The following PTPRS variants were observed in gnomAD, a reference collection of about 807,000 sequenced individuals.
PTPRS encodes the protein receptor-type tyrosine-protein phosphatase S.
PTPRS carries 63 observed loss-of-function variants against 215.3 expected under a neutral mutation model. The observed-to-expected ratio is 0.29, with a 90% CI of 0.24 to 0.36. The LOEUF (loss-of-function observed/expected upper bound fraction) is 0.36. Ranked by LOEUF, PTPRS falls within the 10% of genes least tolerant of loss-of-function variation. The pLI, the probability that PTPRS is intolerant of heterozygous loss-of-function variation, is 1.00. For synonymous variants in PTPRS, 1,404 were observed against 1,191.4 expected (o/e 1.18, Z -3.68); for missense variants, 2,258 against 2,825.8 (o/e 0.80, Z 4.56).
chr19:5,211,882 C>T (rs984041369), intron 32 of PTPRS, 83 bp downstream of exon 32: 2 of 1,563,478 alleles, frequency 1.3e-6, no homozygotes, highest in East Asian at 2.3e-5. Context: ...CCTTCTAGTC[C>T]CCATTGCTCG....
intron 1 of PTPRS, among the ~76,000 whole-genome samples, chr19:5,320,233 G>C (rs1248279954): frequency 6.6e-6 from 1 of 152,190 alleles, no homozygotes; most frequent in Non-Finnish European, 1.5e-5. Context: ...CAGGAAGCAG[G>C]GGCGGCAGCC....
Position 5,245,984 on chromosome 19 carries a change from GC to G in PTPRS, c.779del (p.Gly260AlafsTer3). On this transcript the variant is annotated frameshift_variant, in exon 10 of 38. Transcript: ENST00000262963. LOFTEE classifies it high-confidence loss of function. ...LPMSHEIMPG[G>X]NVNITCVAVG... ...CGGCCACGCAGGTGATGTTCACGTTGCCCCCTGGCATGATCTCGTGGCTCAT... is the reference window on the plus strand; with the variant it reads ...CGGCCACGCAGGTGATGTTCACGTTGCCCCTGGCATGATCTCGTGGCTCAT... The G allele has an allele frequency of 6.2e-7, 1 of 1,600,870 alleles. No homozygotes were observed.
At chr19:5,269,846 A>G (rs2046751402) in intron 4 of PTPRS, among the ~76,000 whole-genome samples, 2 of 145,898 alleles carry the variant, frequency 1.4e-5, no homozygotes, top group Admixed American at 7.2e-5. Context: ...GCCTGAACCC[A>G]GGAGGCGGAG....
intron 2 of PTPRS, among the ~76,000 whole-genome samples, chr19:5,284,338 C>A (rs976432320): frequency 6.7e-5 from 10 of 148,502 alleles, no homozygotes; most frequent in African/African-American, 2.2e-4. Flanking sequence ...CCAGCCTGGG[C>A]GACAGAGTGA....
intron 4 of PTPRS, among the ~76,000 whole-genome samples, chr19:5,270,661 G>A (rs1318460091): frequency 6.6e-6 from 1 of 151,828 alleles, no homozygotes; most frequent in East Asian, 1.9e-4. Flanking sequence ...CTTTTGAGAT[G>A]GAGTCTCCCT....
chr19:5,253,521 C>T (rs1201917708), intron 9 of PTPRS, among the ~76,000 whole-genome samples: 1 of 152,048 alleles, frequency 6.6e-6, no homozygotes, highest in Admixed American at 6.5e-5. Context: ...CCTTTGTTGT[C>T]CCTTTCTGTG....
At chr19:5,307,987 G>A (rs191647275) in intron 1 of PTPRS, among the ~76,000 whole-genome samples, 2 of 152,290 alleles carry the variant, frequency 1.3e-5, no homozygotes, top group Admixed American at 1.3e-4. Flanking sequence ...GATTTACAAG[G>A]TGGTCCTTTA....
At chr19:5,239,805 A>C (rs1429643537) in intron 12 of PTPRS, among the ~76,000 whole-genome samples, 1 of 152,108 alleles carries the variant, frequency 6.6e-6, no homozygotes, top group Non-Finnish European at 1.5e-5. Context: ...GACAGAAAAA[A>C]AACACACAGA....
rs1446229955 is a variant in PTPRS at position 5,317,506 on chromosome 19, GCAAT to G, written c.-95+23154_-95+23157del. ...ACACAAAACATTGCACAGGAAATGA[GCAAT>G]CAGAGAGGTTGGGCAATGGCCGCAA... On this transcript the variant is annotated intron_variant, in intron 1 of 37. Transcript: ENST00000262963. 8.5e-5 allele frequency among the ~76,000 whole-genome samples: 13 copies of G among 152,268 alleles called. No individual in the cohort carries two copies. In the East Asian group the frequency reaches 2.5e-3, roughly 29 times the overall value.
chr19:5,207,337 G>A (rs922278156), intron 37 of PTPRS, among the ~76,000 whole-genome samples: 6 of 152,154 alleles, frequency 3.9e-5, no homozygotes, highest in Non-Finnish European at 7.4e-5. Context: ...TGCCTGCCTT[G>A]GCCTCCCAAA....
chr19:5,252,973 T>C (rs1006419832), intron 9 of PTPRS, among the ~76,000 whole-genome samples: 3 of 152,044 alleles, frequency 2.0e-5, no homozygotes, highest in East Asian at 3.9e-4. Context: ...TGGCAAACCA[T>C]TTACATGGGT....
chr19:5,260,044 G>A (rs917091637), intron 7 of PTPRS, among the ~76,000 whole-genome samples: 28 of 152,110 alleles, frequency 1.8e-4, no homozygotes, highest in African/African-American at 6.8e-4. Flanking sequence ...CTTCTCTGAG[G>A]CAAAAGTTGG....
In PTPRS at chr19:5,293,912, C is replaced by T. The variant is rs1429775994; in HGVS notation, c.-94-7678G>A. On this transcript the variant is annotated intron_variant, in intron 1 of 37. Coordinates refer to ENST00000262963, the MANE Select transcript of PTPRS (RefSeq NM_002850.4). This position sits in a 1 kb window ranked among gnomAD's most constrained non-coding sequence, Gnocchi z 8.4. Reference sequence around the variant, plus strand: ...TGGGGCCGCCGTGCCAGGCCCGCGACACCGGAGCAGAGGGAGAGGAGGAGG... The same window carrying T: ...TGGGGCCGCCGTGCCAGGCCCGCGATACCGGAGCAGAGGGAGAGGAGGAGG... Among the ~76,000 whole-genome samples the T allele has an allele frequency of 1.3e-5, 2 of 152,176 alleles. No homozygotes were observed. Among genetic ancestry groups the T allele is most frequent in the Non-Finnish European group, 2.9e-5 (2 of 68,030 alleles).
chr19:5,301,312 TTGC>T (rs1270808147), intron 1 of PTPRS, among the ~76,000 whole-genome samples: 1 of 145,856 alleles, frequency 6.9e-6, no homozygotes, highest in Non-Finnish European at 1.5e-5. Context: ...ATTAAAGTTG[TTGC>T]TGTTTTTTTT....
At chr19:5,328,604 G>A (rs770169433) in intron 1 of PTPRS, among the ~76,000 whole-genome samples, 3 of 152,192 alleles carry the variant, frequency 2.0e-5, no homozygotes, top group Non-Finnish European at 1.5e-5. Context: ...GTAGCTGAGA[G>A]CACACAGCAT....
At chr19:5,216,987 G>A (rs953671728) in intron 25 of PTPRS, among the ~76,000 whole-genome samples, 3 of 152,174 alleles carry the variant, frequency 2.0e-5, no homozygotes, top group Admixed American at 6.5e-5. Flanking sequence ...GTCTTGACCC[G>A]TCACTCTGGA....
rs1157757082 is a variant in PTPRS at position 5,258,108 on chromosome 19, G to A, written c.615C>T (p.Ser205=). Reference sequence around the variant, plus strand: ...ATTTGCCCTGGTCGGTTTCCTCACTGCTTTCAATCTGCAGGGCTCCTGTGG... The same window carrying A: ...ATTTGCCCTGGTCGGTTTCCTCACTACTTTCAATCTGCAGGGCTCCTGTGG... The part of the protein sequence containing the change: ...TPIRGALQIE[S]SEETDQGKYE... Residue 205 remains serine, a synonymous_variant, in exon 8 of 38, where the codon AGC becomes AGT. Coordinates refer to ENST00000262963, the MANE Select transcript of PTPRS (RefSeq NM_002850.4). 6.2e-7 allele frequency: 1 copy of A among 1,613,986 alleles called. No homozygotes were observed. The highest frequency in any genetic ancestry group is 8.5e-7 in the Non-Finnish European group (1 of 1,179,962).
At chr19:5,276,045 C>A (rs1446444373) in intron 2 of PTPRS, among the ~76,000 whole-genome samples, 2 of 152,192 alleles carry the variant, frequency 1.3e-5, no homozygotes, top group Admixed American at 1.3e-4. Context: ...TGTGAGGAAA[C>A]TGAGACACAA....
chr19:5,221,239 C>T lies in PTPRS; in HGVS notation c.3216G>A (p.Gly1072=). ...SPTPYKIQYN[G]LTLDVDGRTT... is the part of the protein sequence containing the mutation. ...TACGGCCATCCACATCCAGTGTGAG[C>T]CCATTGTACTGGATCTGCGGACCAG... is the stretch of plus-strand genomic sequence containing the variant. Residue 1072 remains glycine, a synonymous_variant, in exon 20 of 38, where the codon GGG becomes GGA. Transcript: ENST00000262963. 6.2e-7 allele frequency: 1 copy of T among 1,613,128 alleles called. No homozygotes were observed. The highest frequency in any genetic ancestry group is 8.5e-7 in the Non-Finnish European group (1 of 1,179,498).
Sources: gnomAD v4.1 joint callset for allele counts (sites outside exome capture counted in the v4.1 genomes callset) on GRCh38, gnomAD v4.1.1 for gene constraint, Gnocchi (gnomAD v3.1) non-coding constraint, MANE v1.5 for transcripts, NCBI Gene and HGNC (gene_info 2026-07-23, HGNC 2026-07-21) for gene names.